Variants in MAP1S observed in about 807,000 individuals in gnomAD.
MAP1S encodes microtubule-associated protein 1S.
Under a neutral mutation model 60.9 loss-of-function variants are expected in MAP1S, and 27 were observed. That is an observed-to-expected ratio of 0.44 (90% confidence interval 0.33 to 0.61). MAP1S has a LOEUF of 0.61. MAP1S is among the 20% of genes least tolerant of loss of function. MAP1S has a pLI of 0.03. For synonymous variants in MAP1S, 826 were observed against 694.2 expected (o/e 1.19, Z -2.98); for missense variants, 1,608 against 1,486.6 (o/e 1.08, Z -1.34).
rs2080451327 is a variant in MAP1S at position 17,727,675 on chromosome 19, A to T, written c.2291A>T (p.Asn764Ile). The T allele has an allele frequency of 6.2e-7, 1 of 1,609,744 alleles. No homozygotes were observed. Among genetic ancestry groups the T allele is most frequent in the Admixed American group, 1.7e-5 (1 of 59,964 alleles). The change falls in exon 5 of 7, where the codon AAT becomes ATT. Residue 764 changes from asparagine (N) to isoleucine (I), a missense_variant. Physicochemically the swap from Asn to Ile is moderately radical, Grantham distance 149. Coordinates refer to ENST00000324096, the MANE Select transcript of MAP1S (RefSeq NM_018174.6). This position sits in a 1 kb window ranked among gnomAD's most constrained non-coding sequence, Gnocchi z 4.1. ...GCACCTGCGTCCCCCGGCAGCTCGA[A>T]TGACAGCAGTGCCCGGTCACAGGAA... Reference protein sequence around the residue: ...APAPASPGSSNDSSARSQERA... With the variant: ...APAPASPGSSIDSSARSQERA...
rs747170267 is a variant in MAP1S, at chr19:17,733,423, C to T, written c.3019C>T (p.Leu1007=). The T allele has an allele frequency of 2.3e-5, 36 of 1,595,320 alleles. No individual in the cohort carries two copies. The highest frequency in any genetic ancestry group is 3.4e-5 in the Admixed American group (2 of 58,034). Residue 1007 remains leucine, a synonymous_variant, in exon 6 of 7, where the codon CTG becomes TTG. Coordinates refer to ENST00000324096, the MANE Select transcript of MAP1S (RefSeq NM_018174.6). ...CAGCAAGCAGCATTGGGACCGTGACCTGCAGGTGCGTGTCACCCCAGGGCC... is the reference window on the plus strand; with the variant it reads ...CAGCAAGCAGCATTGGGACCGTGACTTGCAGGTGCGTGTCACCCCAGGGCC... ...LASKQHWDRD[L]QVTLIPTFDS... is the part of the protein sequence containing the mutation.
chr19:17,728,914 A>C (rs2080468777), intron 5 of MAP1S: 1 of 152,218 alleles, frequency 6.6e-6, no homozygotes, highest in Non-Finnish European at 1.5e-5. Context: ...TCCGGGGCTC[A>C]GTTTCTCCTG....
chr19:17,721,987 A>G (rs868172357), intron 2 of MAP1S, among the ~76,000 whole-genome samples: 1 of 152,152 alleles, frequency 6.6e-6, no homozygotes, highest in South Asian at 2.1e-4. Flanking sequence ...CTGGAGAGGA[A>G]GGAAGTGTCT....
intron 5 of MAP1S, among the ~76,000 whole-genome samples, 167 bp downstream of exon 5, chr19:17,728,339 A>G (rs2080463170): frequency 6.6e-6 from 1 of 152,086 alleles, no homozygotes; most frequent in Non-Finnish European, 1.5e-5. Context: ...AGCCTTGAAC[A>G]ATGGGGCTCA....
intron 3 of MAP1S, among the ~76,000 whole-genome samples, chr19:17,724,634 C>T (rs1236340427): frequency 6.6e-6 from 1 of 152,172 alleles, no homozygotes; most frequent in African/African-American, 2.4e-5. Flanking sequence ...TGGGGCATCC[C>T]ACTACAGACC....
Position 17,733,321 on chromosome 19 carries a change from G to A in MAP1S, c.2917G>A (p.Ala973Thr), listed in dbSNP as rs565872372. ...TGAGGAGTTCTTCCAGCGCGTGCGCGCGCTCTGCTACGTCATCAGTGGCCA... is the reference window on the plus strand; with the variant it reads ...TGAGGAGTTCTTCCAGCGCGTGCGCACGCTCTGCTACGTCATCAGTGGCCA... ...VDEEFFQRVRALCYVISGQDQ... is the reference protein window; with the variant it reads ...VDEEFFQRVRTLCYVISGQDQ... Residue 973 changes from alanine to threonine, a missense_variant, in exon 6 of 7, where the codon GCG becomes ACG. Physicochemically the swap from Ala to Thr is moderately conservative, Grantham distance 58. Coordinates refer to ENST00000324096, the MANE Select transcript of MAP1S (RefSeq NM_018174.6). 3 of 1,606,130 alleles carry A rather than the reference G, an allele frequency of 1.9e-6. No individual in the cohort carries two copies. The highest frequency in any genetic ancestry group is 2.2e-5 in the East Asian group (1 of 44,534).
intron 6 of MAP1S, among the ~76,000 whole-genome samples, chr19:17,733,849 C>T (rs1289730452): frequency 6.6e-6 from 1 of 152,196 alleles, no homozygotes; most frequent in Non-Finnish European, 1.5e-5. Flanking sequence ...AGAGGGAGGA[C>T]CGCCTCACAC....
chr19:17,734,227 C>T (rs564710454), intron 6 of MAP1S, 46 bp from the exon 7 acceptor site: 3 of 1,551,248 alleles, frequency 1.9e-6, no homozygotes, highest in Non-Finnish European at 2.7e-6. Context: ...GGGCACCCCC[C>T]TCACTGGTGG....
In MAP1S at chr19:17,727,105, C is replaced by T. The variant is rs767530402; in HGVS notation, c.1721C>T (p.Pro574Leu). Residue 574 changes from proline to leucine, a missense_variant, in exon 5 of 7, where the codon CCG (proline) becomes CTG (leucine). Transcript: ENST00000324096. The surrounding 1 kb of genome is among the most constrained non-coding windows in gnomAD (Gnocchi z 4.1). The part of the protein sequence containing the change: ...KAPSTSHSGF[P>L]PVANGPRSPP... ...CCCAGCACGTCCCACTCTGGCTTCC[C>T]GCCGGTGGCAAATGGACCCCGCAGC... 14 of 1,601,124 alleles carry T rather than the reference C, an allele frequency of 8.7e-6. No homozygotes were observed. The South Asian group carries it at 1.2e-4, about 14-fold the overall frequency.
Position 17,726,832 on chromosome 19 carries a change from A to C in MAP1S, c.1448A>C (p.Lys483Thr), listed in dbSNP as rs1568293027. The C allele has an allele frequency of 3.9e-6, 6 of 1,554,942 alleles. No individual in the cohort carries two copies. The highest frequency in any genetic ancestry group is 4.3e-6 in the Non-Finnish European group (5 of 1,149,964). The change falls in exon 5 of 7, where the codon AAG (lysine) becomes ACG (threonine). Residue 483 changes from lysine (K) to threonine (T), a missense_variant. By Grantham distance (78) the Lys-to-Thr change is moderately conservative. Around this residue, in one of 4 missense-constraint regions of MAP1S, gnomAD observed 1,167 missense variants for 961.4 expected, o/e 1.21. Coordinates refer to ENST00000324096, the MANE Select transcript of MAP1S (RefSeq NM_018174.6). ...AGCGTGGGCTCCCGGGACAGCTCGA[A>C]GAGAGAGGGCCTCCTGGCCACCCAC... ...KESVGSRDSS[K>T]REGLLATHPR...
Position 17,726,614 on chromosome 19 carries a change from C to A in MAP1S, c.1230C>A (p.Ala410=). 1 of 1,572,638 alleles carries A rather than the reference C, an allele frequency of 6.4e-7. No individual in the cohort carries two copies. The highest frequency in any genetic ancestry group is 8.6e-7 in the Non-Finnish European group (1 of 1,163,592). Residue 410 remains alanine (A), a synonymous_variant, in exon 5 of 7, where the codon GCC becomes GCA. Transcript: ENST00000324096. ...PPSAGAERTL[A]SVCALLVWHP... ...CCGCCGGCGCCGAGCGCACGCTGGC[C>A]TCTGTGTGCGCCCTGCTGGTGTGGC...
At position 17,727,390 on chromosome 19, in the gene MAP1S, C is replaced by T; in HGVS notation, c.2006C>T (p.Ser669Leu). The T allele has an allele frequency of 6.3e-7, 1 of 1,594,824 alleles. No individual in the cohort carries two copies. Among genetic ancestry groups the T allele is most frequent in the South Asian group, 1.1e-5 (1 of 89,396 alleles). ...LRGGEAGPDA[S>L]PTVTTPTVTT... ...GGCGGGGAGGCCGGGCCAGACGCCT[C>T]ACCCACAGTGACCACACCCACGGTG... Residue 669 changes from serine to leucine, a missense_variant, in exon 5 of 7, where the codon TCA (serine) becomes TTA (leucine). Coordinates refer to ENST00000324096, the MANE Select transcript of MAP1S (RefSeq NM_018174.6). The surrounding 1 kb of genome is among the most constrained non-coding windows in gnomAD (Gnocchi z 4.1).
intron 5 of MAP1S, among the ~76,000 whole-genome samples, chr19:17,730,856 A>G (rs2080486736): frequency 6.6e-6 from 1 of 151,460 alleles, no homozygotes; most frequent in African/African-American, 2.4e-5. Flanking sequence ...CAGACCCAAT[A>G]AATGATTGCC....
chr19:17,728,240 CCCT>C lies in MAP1S; in HGVS notation c.2788+69_2788+71del, dbSNP rs2080462060. ...TTAGGCTGGAGAGCATAGCTCGTCCCCCTGTTTTTACATTTTCAGTTTTTTTAA... is the reference window on the plus strand; with the variant it reads ...TTAGGCTGGAGAGCATAGCTCGTCCCGTTTTTACATTTTCAGTTTTTTTAA... On this transcript the variant is annotated intron_variant, in intron 5 of 6. Transcript: ENST00000324096. The C allele has an allele frequency of 2.1e-6, 3 of 1,462,262 alleles. No individual in the cohort carries two copies. In the Admixed American group the frequency reaches 7.5e-5, roughly 37 times the overall value. 90.6% of individuals were successfully genotyped at this position (1,462,262 alleles called of 1,614,324 possible).
Position 17,726,134 on chromosome 19 carries a change from CG to C in MAP1S, c.754del (p.Asp252MetfsTer39). The C allele has an allele frequency of 6.2e-7, 1 of 1,613,972 alleles. No homozygotes were observed. The highest frequency in any genetic ancestry group is 8.5e-7 in the Non-Finnish European group (1 of 1,179,966). ...PCCYIFPGGL[G>X]DAAFFAVNGF... is the part of the protein sequence containing the mutation. The stretch of plus-strand genomic sequence containing the variant: ...GCTGCTACATCTTCCCTGGAGGCCT[CG>C]GGGATGCCGCCTTCTTCGCCGTCAA... On this transcript the variant is annotated frameshift_variant, in exon 5 of 7. Transcript: ENST00000324096. LOFTEE classifies it high-confidence loss of function.
rs761271785 is a variant in MAP1S, at chr19:17,726,763, C to A, written c.1379C>A (p.Thr460Lys). Residue 460 changes from threonine (T) to lysine (K), a missense_variant, in exon 5 of 7, where the codon ACG becomes AAG. This residue lies in a region of MAP1S where 1,167 missense variants were observed against 961.4 expected (regional missense o/e 1.21). Coordinates refer to ENST00000324096, the MANE Select transcript of MAP1S (RefSeq NM_018174.6). The part of the protein sequence containing the change: ...HLRFLREPVV[T>K]PQDLEGPGRA... The stretch of plus-strand genomic sequence containing the variant: ...AGGTTCCTGCGAGAGCCCGTGGTGA[C>A]GCCCCAGGACCTGGAGGGGCCGGGG... The A allele has an allele frequency of 3.8e-6, 6 of 1,560,966 alleles. No individual in the cohort carries two copies. The highest frequency in any genetic ancestry group is 5.2e-6 in the Non-Finnish European group (6 of 1,156,734).
At position 17,732,974 on chromosome 19, in the gene MAP1S, C is replaced by T. The variant is rs1838358055; in HGVS notation, c.2789-219C>T. On this transcript the variant is annotated intron_variant, in intron 5 of 6. Transcript: ENST00000324096. ...GGCTGAGGCAGGAGGATCACTTGAG[C>T]CCAGGAGTTTGTGACGAGCCTGGGC... 4 of 541,052 alleles carry T rather than the reference C, an allele frequency of 7.4e-6. No individual in the cohort carries two copies. In the South Asian group the frequency reaches 1.0e-4, roughly 14 times the overall value. 33.5% of individuals were successfully genotyped at this position (541,052 alleles called of 1,614,324 possible).
At chr19:17,723,282 C>G (rs1347642554) in intron 2 of MAP1S, among the ~76,000 whole-genome samples, 1 of 152,200 alleles carries the variant, frequency 6.6e-6, no homozygotes, top group Non-Finnish European at 1.5e-5. Flanking sequence ...TGCAGTGGGT[C>G]AAGTCTGTAA....
chr19:17,729,336 C>G (rs1453216919), intron 5 of MAP1S, among the ~76,000 whole-genome samples: 1 of 152,164 alleles, frequency 6.6e-6, no homozygotes, highest in Non-Finnish European at 1.5e-5. Context: ...ACACTCTAGA[C>G]TCCCCAAAAA....
Sources: gnomAD v4.1 joint callset for allele counts (sites outside exome capture counted in the v4.1 genomes callset) on GRCh38, gnomAD v4.1.1 for gene constraint, gnomAD v4.1.1 regional missense constraint, Gnocchi (gnomAD v3.1) non-coding constraint, MANE v1.5 for transcripts, NCBI Gene and HGNC (gene_info 2026-07-23, HGNC 2026-07-21) for gene names.